Variants in STS observed in about 807,000 individuals in gnomAD.
The protein encoded by STS is steroid sulfatase.
A neutral mutation model predicts 26.8 loss-of-function variants in STS; 7 were observed. That is an observed-to-expected ratio of 0.26 (90% CI 0.15 to 0.49). The LOEUF is 0.49. Ranked by LOEUF, STS falls within the 20% of genes least tolerant of loss-of-function variation. STS has a pLI of 0.98. For synonymous variants in STS, 199 were observed against 189.4 expected (o/e 1.05, Z -0.42); for missense variants, 434 against 465.6 (o/e 0.93, Z 0.63).
Position 7,230,178 on chromosome X carries a change from AC to A in STS, c.-4-23016del, listed in dbSNP as rs781516148. ...GCTGGGATTACAGACATGAGCCACC[AC>A]CAGGTCCATCCTCAGCTTTTTGATG... On this transcript the variant is annotated intron_variant, in intron 2 of 10. Transcript: ENST00000674429. Among the ~76,000 whole-genome samples the A allele has an allele frequency of 2.7e-5, 3 of 111,483 alleles. No individual in the cohort carries two copies. In the East Asian group the frequency reaches 8.5e-4, roughly 32 times the overall value.
rs1272581889 is a variant in STS at position 7,175,452 on chromosome X, C to G, written c.-133-15428C>G. Among the ~76,000 whole-genome samples the G allele has an allele frequency of 3.6e-5, 4 of 110,061 alleles. No individual in the cohort carries two copies. In the Admixed American group the frequency reaches 3.9e-4, roughly 11 times the overall value. On this transcript the variant is annotated intron_variant, in intron 1 of 10. Transcript: ENST00000674429. ...GAGGCTGCAGTGAGCCATGATCATG[C>G]CACTGGACTCCAGCCTAGGAGACAG...
intron 1 of STS, among the ~76,000 whole-genome samples, chrX:7,186,446 G>A (rs1933773969): frequency 1.8e-5 from 2 of 111,481 alleles, no homozygotes; most frequent in African/African-American, 3.3e-5. Flanking sequence ...GAGACCACGA[G>A]TGTTAGCAAG....
At chrX:7,231,338 C>T (rs1258476029) in intron 2 of STS, among the ~76,000 whole-genome samples, 1 of 112,057 alleles carries the variant, frequency 8.9e-6, no homozygotes, top group Non-Finnish European at 1.9e-5. Context: ...ACTTAAAGTG[C>T]TTTAAACGGT....
intron 1 of STS, among the ~76,000 whole-genome samples, chrX:7,186,584 G>A (rs1233758310): frequency 2.7e-5 from 3 of 111,549 alleles, no homozygotes; most frequent in African/African-American, 9.8e-5. Flanking sequence ...TATTGATTGG[G>A]CGAACATCTG....
intron 2 of STS, among the ~76,000 whole-genome samples, chrX:7,239,988 G>A (rs750509367): frequency 9.4e-5 from 10 of 106,341 alleles, no homozygotes; most frequent in East Asian, 6.0e-4. Flanking sequence ...AGGCTCAAGC[G>A]ATTCTCCTGC....
chrX:7,339,368 G>A (rs1329904448), intron 10 of STS, among the ~76,000 whole-genome samples: 1 of 112,329 alleles, frequency 8.9e-6, no homozygotes, highest in Non-Finnish European at 1.9e-5. Flanking sequence ...CTTATGAAAG[G>A]ACATATTTTC....
chrX:7,154,650 C>A (rs1264443955), intron 1 of STS, among the ~76,000 whole-genome samples: 1 of 111,886 alleles, frequency 8.9e-6, no homozygotes, highest in Non-Finnish European at 1.9e-5. Flanking sequence ...GTTGGTCTTC[C>A]TTCCTCAAAA....
intron 10 of STS, among the ~76,000 whole-genome samples, chrX:7,345,151 C>T (rs918700602): frequency 5.4e-5 from 6 of 110,997 alleles, no homozygotes; most frequent in African/African-American, 2.0e-4. Context: ...CGGACCAAAC[C>T]GAGGGTAGGA....
intron 1 of STS, among the ~76,000 whole-genome samples, chrX:7,171,085 A>G (rs1601627364): frequency 9.0e-6 from 1 of 111,670 alleles, no homozygotes; most frequent in Admixed American, 9.5e-5. Flanking sequence ...AACCAGGTCC[A>G]GAGGAACCCT....
chrX:7,325,365 G>A lies in STS; in HGVS notation c.1108G>A (p.Gly370Ser). ...KGGKANNWEG[G>S]IRVPGILRWP... ...AGGAAAAGCAAACAACTGGGAAGGAGGTATCCGGGTTCCAGGCATCCTTCG... is the reference window on the plus strand; with the variant it reads ...AGGAAAAGCAAACAACTGGGAAGGAAGTATCCGGGTTCCAGGCATCCTTCG... Residue 370 changes from glycine to serine, a missense_variant, in exon 9 of 11, where the codon GGT (glycine) becomes AGT (serine). This residue lies in a region of STS where 205 missense variants were observed against 177.3 expected (regional missense o/e 1.16). Coordinates refer to ENST00000674429, the MANE Select transcript of STS (RefSeq NM_001320752.2). 2.5e-6 allele frequency: 3 copies of A among 1,211,393 alleles called. No individual in the cohort carries two copies. The highest frequency in any genetic ancestry group is 3.4e-6 in the Non-Finnish European group (3 of 895,355).
intron 6 of STS, among the ~76,000 whole-genome samples, chrX:7,273,244 T>C (rs1018805535): frequency 9.0e-6 from 1 of 111,546 alleles, no homozygotes. Flanking sequence ...GGGTTCCCTT[T>C]TCTGAGCCCC....
chrX:7,273,235 G>C (rs1469135760), intron 6 of STS, among the ~76,000 whole-genome samples: 2 of 111,160 alleles, frequency 1.8e-5, no homozygotes, highest in African/African-American at 6.6e-5. Flanking sequence ...ATTGTTTTAG[G>C]GTTCCCTTTT....
chrX:7,250,061 G>A (rs746591336), intron 2 of STS, among the ~76,000 whole-genome samples: 114 of 110,365 alleles, frequency 1.0e-3, no homozygotes, highest in African/African-American at 3.6e-3. Flanking sequence ...TCGAGTAGCC[G>A]GAACTACAGA....
intron 2 of STS, among the ~76,000 whole-genome samples, chrX:7,203,451 G>A (rs1157742602): frequency 9.0e-6 from 1 of 111,646 alleles, no homozygotes; most frequent in African/African-American, 3.3e-5. Flanking sequence ...GGTCTCTTTA[G>A]GCCAATTGTA....
chrX:7,219,762 A>G (rs1475527674), intron 2 of STS: 6 of 1,091,568 alleles, frequency 5.5e-6, no homozygotes, highest in Non-Finnish European at 7.6e-6. Flanking sequence ...CACAGCAGCT[A>G]CCTGCTTGTG....
At position 7,350,782 on chromosome X, in the gene STS, G is replaced by A. The variant is rs913042801; in HGVS notation, c.*521G>A. 3.5e-5 allele frequency: 4 copies of A among 115,334 alleles called. No individual in the cohort carries two copies. The highest frequency in any genetic ancestry group is 1.3e-4 in the African/African-American group (4 of 30,935). The allele number at this position is 115,334 out of a possible 1,213,427, so 9.5% of individuals were successfully genotyped here. A position where few individuals can be genotyped will look rare whatever the true frequency, so the allele number is the denominator to read the frequency against. Reference sequence around the variant, plus strand: ...AAGGTGAATGAAAGATCTTCTTTAGGAATAATAGATGATGGTAAGTTCCAC... The same window carrying A: ...AAGGTGAATGAAAGATCTTCTTTAGAAATAATAGATGATGGTAAGTTCCAC... On this transcript the variant is annotated 3_prime_UTR_variant, in exon 11 of 11. Transcript: ENST00000674429.
chrX:7,337,666 T>A (rs999450576), intron 10 of STS, among the ~76,000 whole-genome samples: 1 of 112,519 alleles, frequency 8.9e-6, no homozygotes. Context: ...CAGCTCCTGA[T>A]CGTTCAGAAA....
At chrX:7,330,068 T>C (rs1158806973) in intron 9 of STS, among the ~76,000 whole-genome samples, 2 of 111,665 alleles carry the variant, frequency 1.8e-5, no homozygotes, top group South Asian at 3.7e-4. Context: ...GCATGACTTA[T>C]CAGAAGAAAT....
intron 2 of STS, among the ~76,000 whole-genome samples, chrX:7,251,839 T>C (rs1365059854): frequency 9.0e-6 from 1 of 110,590 alleles, no homozygotes; most frequent in Non-Finnish European, 1.9e-5. Context: ...TGTGCACCTG[T>C]AATTCTAGCT....
Sources: gnomAD v4.1 joint callset for allele counts (sites outside exome capture counted in the v4.1 genomes callset) on GRCh38, gnomAD v4.1.1 for gene constraint, gnomAD v4.1.1 regional missense constraint, MANE v1.5 for transcripts, NCBI Gene and HGNC (gene_info 2026-07-23, HGNC 2026-07-21) for gene names.